The following MCCC2 variants were observed in gnomAD, a reference collection of about 807,000 sequenced individuals.
The protein encoded by MCCC2 is methylcrotonoyl-CoA carboxylase beta chain, mitochondrial.
In MCCC2, 52 loss-of-function variants were observed where a neutral mutation model predicts 77.2. That is an observed-to-expected ratio of 0.67 (90% CI 0.54 to 0.85). The LOEUF is 0.85. Ranked by LOEUF, MCCC2 falls within the 40% of genes least tolerant of loss-of-function variation. The pLI is 0.00. For missense variants in MCCC2, 682 were observed against 703.2 expected (o/e 0.97, Z 0.34); for synonymous variants, 253 against 248.4 (o/e 1.02, Z -0.18).
In MCCC2 at chr5:71,602,536, C is replaced by T; in HGVS notation, c.414C>T (p.Ala138=). ...AATGCATGATTATTGCCAATGATGC[C>T]ACCGTCAAAGGAGGTGCCTACTACC... The part of the protein sequence containing the change: ...GVECMIIAND[A]TVKGGAYYPV... Residue 138 remains alanine (A), a synonymous_variant, in exon 5 of 17, where the codon GCC becomes GCT. Transcript: ENST00000340941. 1 of 1,614,016 alleles carries T rather than the reference C, an allele frequency of 6.2e-7. No homozygotes were observed. Among genetic ancestry groups the T allele is most frequent in the Non-Finnish European group, 8.5e-7 (1 of 1,180,010 alleles).
chr5:71,648,460 A>G (rs1200208859), intron 13 of MCCC2, among the ~76,000 whole-genome samples: 3 of 152,188 alleles, frequency 2.0e-5, no homozygotes, highest in South Asian at 2.1e-4. Context: ...CTATTGAGTC[A>G]CTGGCAGGGA....
intron 15 of MCCC2, among the ~76,000 whole-genome samples, chr5:71,651,359 C>T (rs1747432673): frequency 1.3e-5 from 2 of 152,216 alleles, no homozygotes; most frequent in African/African-American, 2.4e-5. Flanking sequence ...GGCAGATCAG[C>T]AAGCGGCTGC....
chr5:71,619,552 C>T (rs1746292352), intron 6 of MCCC2, among the ~76,000 whole-genome samples: 1 of 151,918 alleles, frequency 6.6e-6, no homozygotes, highest in Admixed American at 6.6e-5. Flanking sequence ...CCAATGTGGC[C>T]TCTCGTTGTT....
At chr5:71,645,598 A>G (rs1747252842) in intron 12 of MCCC2, among the ~76,000 whole-genome samples, 1 of 152,224 alleles carries the variant, frequency 6.6e-6, no homozygotes, top group African/African-American at 2.4e-5. Flanking sequence ...TTCATATCCC[A>G]GGAGGGTTTA....
At chr5:71,647,946 C>T (rs536420028) in intron 13 of MCCC2, among the ~76,000 whole-genome samples, 1 of 122,068 alleles carries the variant, frequency 8.2e-6, no homozygotes, top group South Asian at 2.8e-4. Flanking sequence ...GATGGTGGGT[C>T]GGGTTGGGTG....
intron 7 of MCCC2, among the ~76,000 whole-genome samples, chr5:71,631,072 A>T (rs1049208441): frequency 6.6e-6 from 1 of 152,094 alleles, no homozygotes; most frequent in Non-Finnish European, 1.5e-5. Flanking sequence ...GCTAGATCTT[A>T]GGTTTAGGTA....
chr5:71,645,122 G>T (rs1219860015), intron 12 of MCCC2, among the ~76,000 whole-genome samples: 2 of 152,106 alleles, frequency 1.3e-5, no homozygotes, highest in African/African-American at 4.8e-5. Flanking sequence ...GGAAATGTCA[G>T]AGTGAGTCCA....
At chr5:71,631,284 G>A (rs1746699139) in intron 7 of MCCC2, among the ~76,000 whole-genome samples, 1 of 152,194 alleles carries the variant, frequency 6.6e-6, no homozygotes, top group Admixed American at 6.5e-5. Flanking sequence ...GGAGGTGTAA[G>A]TGCAATGCCC....
intron 12 of MCCC2, 137 bp downstream of exon 12, chr5:71,644,032 C>G: frequency 1.9e-6 from 1 of 538,732 alleles, no homozygotes; most frequent in Non-Finnish European, 3.0e-6. Flanking sequence ...TGTGCGCGGG[C>G]ATGTGTGTGT....
At chr5:71,619,121 C>T (rs146421908) in intron 6 of MCCC2, among the ~76,000 whole-genome samples, 35 of 152,138 alleles carry the variant, frequency 2.3e-4, no homozygotes, top group African/African-American at 8.0e-4. Context: ...CTTTCTCCCC[C>T]CTACCTTACC....
chr5:71,588,298 G>A (rs1744841931), intron 1 of MCCC2, among the ~76,000 whole-genome samples: 2 of 149,860 alleles, frequency 1.3e-5, no homozygotes, highest in Non-Finnish European at 3.0e-5. Context: ...AGTTGGTTAT[G>A]TTAATAGAAA....
At chr5:71,622,806 G>A (rs1391609909) in intron 6 of MCCC2, among the ~76,000 whole-genome samples, 1 of 152,104 alleles carries the variant, frequency 6.6e-6, no homozygotes, top group African/African-American at 2.4e-5. Context: ...TGCTTGGCTT[G>A]TTTTAAAAAT....
Position 71,618,503 on chromosome 5 carries a change from TCC to T in MCCC2, c.625-8136_625-8135del, listed in dbSNP as rs1561835038. 6.5e-3 allele frequency among the ~76,000 whole-genome samples: 354 copies of T among 54,190 alleles called. 2 individuals carry two copies. Among genetic ancestry groups the T allele is most frequent in the African/African-American group, 0.019 (338 of 17,356 alleles). 35.6% of individuals were successfully genotyped at this position (54,190 alleles called of 152,430 possible). A position where few individuals can be genotyped will look rare whatever the true frequency, so the allele number is the denominator to read the frequency against. ...CTTCTTTCCTTCTTCCTTCCTTCCT[TCC>T]TTCCTTCCTTCCTTCCTTCCTTCCT... On this transcript the variant is annotated intron_variant, in intron 6 of 16. Coordinates refer to ENST00000340941, the MANE Select transcript of MCCC2 (RefSeq NM_022132.5).
At chr5:71,598,071 C>CTT (rs541775693) in intron 3 of MCCC2, among the ~76,000 whole-genome samples, 38 of 129,500 alleles carry the variant, frequency 2.9e-4, no homozygotes, top group Non-Finnish European at 4.2e-4. Flanking sequence ...GTGAGTGTTT[C>CTT]TTTTTTTTTT....
At chr5:71,608,999 C>T (rs1191694624) in intron 6 of MCCC2, among the ~76,000 whole-genome samples, 1 of 152,012 alleles carries the variant, frequency 6.6e-6, no homozygotes, top group Non-Finnish European at 1.5e-5. Flanking sequence ...CTGCCCTTAA[C>T]ATTTTTTCCT....
chr5:71,646,242 G>C lies in MCCC2; in HGVS notation c.1181G>C (p.Arg394Thr), dbSNP rs531994517. 7 of 1,613,754 alleles carry C rather than the reference G, an allele frequency of 4.3e-6. No individual in the cohort carries two copies. The highest frequency in any genetic ancestry group is 5.9e-6 in the Non-Finnish European group (7 of 1,179,874). ...GTHFVQLCCQ[R>T]NIPLLFLQNI... ...CACTTTGTCCAGTTATGCTGCCAAA[G>C]AAATATTCCTCTGCTGTTCCTTCAA... is the stretch of plus-strand genomic sequence containing the variant. The change falls in exon 13 of 17, where the codon AGA (arginine) becomes ACA (threonine). Residue 394 changes from arginine (R) to threonine (T), a missense_variant. Physicochemically the swap from Arg to Thr is moderately conservative, Grantham distance 71. Transcript: ENST00000340941.
chr5:71,632,915 C>T (rs1168381611), intron 8 of MCCC2, among the ~76,000 whole-genome samples: 1 of 151,884 alleles, frequency 6.6e-6, no homozygotes, highest in African/African-American at 2.4e-5. Flanking sequence ...AGATACAATA[C>T]ATGTGGATTG....
In MCCC2 at chr5:71,655,114, A is replaced by G. The variant is rs536995388; in HGVS notation, c.1575-1629A>G. ...TTCCCAAAGTACTGGGATTACAGGCATGAGCCACTGCACCTGGCCAGATCT... is the reference window on the plus strand; with the variant it reads ...TTCCCAAAGTACTGGGATTACAGGCGTGAGCCACTGCACCTGGCCAGATCT... On this transcript the variant is annotated intron_variant, in intron 16 of 16. Transcript: ENST00000340941. Among the ~76,000 whole-genome samples, 796 of 152,320 alleles carry G rather than the reference A, an allele frequency of 5.2e-3. 11 individuals carry two copies. The highest frequency in any genetic ancestry group is 0.018 in the African/African-American group (760 of 41,570).
At chr5:71,604,303 C>T (rs777260269) in intron 5 of MCCC2, 53 bp from the exon 6 acceptor site, 24 of 1,450,192 alleles carry the variant, frequency 1.7e-5, no homozygotes, top group East Asian at 1.1e-4. Flanking sequence ...TTTCCCTCTG[C>T]GTAGCACATT....
Sources: gnomAD v4.1 joint callset for allele counts (sites outside exome capture counted in the v4.1 genomes callset) on GRCh38, gnomAD v4.1.1 for gene constraint, MANE v1.5 for transcripts, NCBI Gene and HGNC (gene_info 2026-07-23, HGNC 2026-07-21) for gene names.